The following AP3B1 variants were observed in gnomAD, a reference collection of about 807,000 sequenced individuals.
The protein encoded by AP3B1 is adaptor related protein complex 3 subunit beta 1.
Under a neutral mutation model 132.5 loss-of-function variants are expected in AP3B1, and 61 were observed. The observed-to-expected ratio is 0.46, with a 90% CI of 0.37 to 0.57. The LOEUF (loss-of-function observed/expected upper bound fraction) is 0.57. AP3B1 is among the 20% of genes least tolerant of loss of function. The pLI is 0.00. For missense variants in AP3B1, 1,120 were observed against 1,289.4 expected, an observed-to-expected ratio of 0.87 and a Z score of 2.01; for synonymous variants, 388 against 438.3, an observed-to-expected ratio of 0.89 and a Z score of 1.43.
chr5:78,142,572 T>G (rs1753199536), intron 14 of AP3B1, among the ~76,000 whole-genome samples: 1 of 152,122 alleles, frequency 6.6e-6, no homozygotes, highest in Non-Finnish European at 1.5e-5. Flanking sequence ...AGCTAAAATT[T>G]TATCACAATA....
chr5:78,099,252 G>A (rs534900109), intron 21 of AP3B1, among the ~76,000 whole-genome samples: 1 of 152,266 alleles, frequency 6.6e-6, no homozygotes, highest in Non-Finnish European at 1.5e-5. Context: ...CCAGTCTAAC[G>A]TATTCTGTTA....
In AP3B1 at chr5:78,141,190, G is replaced by T; in HGVS notation, c.1603C>A (p.Gln535Lys). 6.2e-7 allele frequency: 1 copy of T among 1,613,768 alleles called. No homozygotes were observed. Among genetic ancestry groups the T allele is most frequent in the African/African-American group, 1.3e-5 (1 of 75,024 alleles). ...FTSEDDLVKL[Q>K]ILNLGAKLYL... ...AATTTTGCTCCCAGATTTAATATCT[G>T]CAGTTTTACCAGATCATCTTCACTA... is the stretch of plus-strand genomic sequence containing the variant. Residue 535 changes from glutamine (Q) to lysine (K), a missense_variant, in exon 15 of 27, where the codon CAG becomes AAG. Gln to Lys is a moderately conservative substitution (Grantham distance 53). Transcript: ENST00000255194.
rs549268230 is a variant in AP3B1, at chr5:78,043,614, T to G, written c.2578-4340A>C. On this transcript the variant is annotated intron_variant, in intron 22 of 26. Coordinates refer to ENST00000255194, the MANE Select transcript of AP3B1 (RefSeq NM_003664.5). Reference sequence around the variant, plus strand: ...TCTTCTTTAAGGTGGAGGGTCACTTTGGTACCCCTGCCAATGGGCTCTCCA... The same window carrying G: ...TCTTCTTTAAGGTGGAGGGTCACTTGGGTACCCCTGCCAATGGGCTCTCCA... The G allele has an allele frequency of 2.5e-4, 120 of 486,482 alleles. 3 individuals carry two copies. Among genetic ancestry groups the G allele is most frequent in the South Asian group, 1.9e-3 (114 of 61,242 alleles). The allele number at this position is 486,482 out of a possible 1,614,324, so 30.1% of individuals were successfully genotyped here. A position where few individuals can be genotyped will look rare whatever the true frequency, so the allele number is the denominator to read the frequency against.
intron 14 of AP3B1, among the ~76,000 whole-genome samples, chr5:78,154,844 A>T (rs563071695): frequency 1.8e-3 from 273 of 152,272 alleles, no homozygotes; most frequent in Non-Finnish European, 3.4e-3. Context: ...TAGAATTCTA[A>T]ATTCCTTCTC....
intron 25 of AP3B1, 26 bp downstream of exon 25, chr5:78,020,666 T>C (rs753937992): frequency 1.3e-6 from 2 of 1,533,446 alleles, no homozygotes; most frequent in South Asian, 2.2e-5. Context: ...TATGTAAATT[T>C]CTAGTAAGTT....
chr5:78,043,874 G>T, intron 22 of AP3B1: 1 of 360,250 alleles, frequency 2.8e-6, no homozygotes, highest in Admixed American at 3.1e-5. Flanking sequence ...ACATGACCAA[G>T]GCTGATCTCC....
chr5:78,256,830 T>C (rs1392972112), intron 2 of AP3B1, among the ~76,000 whole-genome samples: 3 of 152,172 alleles, frequency 2.0e-5, no homozygotes, highest in Non-Finnish European at 2.9e-5. Context: ...CATGACCAAG[T>C]GGGATTTATC....
intron 26 of AP3B1, among the ~76,000 whole-genome samples, chr5:78,004,412 G>A (rs1746310771): frequency 6.6e-6 from 1 of 152,064 alleles, no homozygotes; most frequent in Non-Finnish European, 1.5e-5. Flanking sequence ...CTTCACTCCC[G>A]ACTTAATTAA....
intron 22 of AP3B1, among the ~76,000 whole-genome samples, chr5:78,085,664 A>G (rs1048999297): frequency 1.3e-5 from 2 of 152,240 alleles, no homozygotes; most frequent in South Asian, 4.1e-4. Flanking sequence ...AGTTATCATT[A>G]TATTATTATA....
chr5:78,250,987 C>CA (rs1339718409), intron 2 of AP3B1, among the ~76,000 whole-genome samples: 1 of 151,680 alleles, frequency 6.6e-6, no homozygotes, highest in Non-Finnish European at 1.5e-5. Flanking sequence ...AGGATGGATC[C>CA]AAAAAATATA....
At position 78,261,496 on chromosome 5, in the gene AP3B1, A is replaced by G. The variant is rs547257399; in HGVS notation, c.204+6024T>C. ...TGTTTTGTTTTTGAGACAGAGTTTC[A>G]CTCTTGTCACCCAGGCTGCAGTGCA... On this transcript the variant is annotated intron_variant, in intron 2 of 26. Coordinates refer to ENST00000255194, the MANE Select transcript of AP3B1 (RefSeq NM_003664.5). 6.3e-4 allele frequency among the ~76,000 whole-genome samples: 96 copies of G among 151,818 alleles called. 1 individual carries two copies. The South Asian group carries it at 0.018, about 28-fold the overall frequency.
intron 26 of AP3B1, among the ~76,000 whole-genome samples, chr5:78,014,446 A>G (rs1388707672): frequency 6.6e-6 from 1 of 152,170 alleles, no homozygotes; most frequent in Non-Finnish European, 1.5e-5. Flanking sequence ...AGCACATAAG[A>G]AGTTATAACT....
chr5:78,140,790 T>C (rs1192154527), intron 15 of AP3B1, among the ~76,000 whole-genome samples: 1 of 152,230 alleles, frequency 6.6e-6, no homozygotes, highest in Admixed American at 6.5e-5. Flanking sequence ...TGCTTTCCTC[T>C]TTCTGTACAG....
intron 3 of AP3B1, among the ~76,000 whole-genome samples, chr5:78,229,971 T>C (rs6872407): frequency 0.27 from 41,513 of 152,004 alleles, 5,868 homozygotes; most frequent in Middle Eastern, 0.34. Flanking sequence ...TTAGTTCCTC[T>C]ACCATCCTGT....
chr5:78,216,293 G>T, intron 6 of AP3B1, 56 bp from the exon 7 acceptor site: 1 of 1,502,246 alleles, frequency 6.7e-7, no homozygotes, highest in Non-Finnish European at 9.1e-7. Flanking sequence ...TACATCAAAG[G>T]TCTTACTCAG....
intron 1 of AP3B1, among the ~76,000 whole-genome samples, chr5:78,292,073 G>A (rs972507420): frequency 6.6e-6 from 1 of 152,072 alleles, no homozygotes; most frequent in African/African-American, 2.4e-5. Context: ...TCTGCAAAAG[G>A]GTAGCTCTCT....
At chr5:78,191,343 T>C (rs1284217960) in intron 7 of AP3B1, among the ~76,000 whole-genome samples, 2 of 136,434 alleles carry the variant, frequency 1.5e-5, no homozygotes, top group Non-Finnish European at 3.1e-5. Context: ...GCTTTTGGAA[T>C]TGCTTTTCCC....
intron 1 of AP3B1, among the ~76,000 whole-genome samples, chr5:78,279,861 G>T: frequency 7.3e-6 from 1 of 136,668 alleles, no homozygotes; most frequent in African/African-American, 2.7e-5. Context: ...ATATATATAG[G>T]ACTTAAATAT....
chr5:78,020,852 G>A (rs1747061772), intron 24 of AP3B1, 63 bp from the exon 25 acceptor site: 1 of 1,327,016 alleles, frequency 7.5e-7, no homozygotes, highest in Non-Finnish European at 1.1e-6. Context: ...ATACTAAGTA[G>A]TTAAATCAAT....
Sources: gnomAD v4.1 joint callset for allele counts (sites outside exome capture counted in the v4.1 genomes callset) on GRCh38, gnomAD v4.1.1 for gene constraint, MANE v1.5 for transcripts, NCBI Gene and HGNC (gene_info 2026-07-23, HGNC 2026-07-21) for gene names.